Variants in ARHGEF10 observed in about 807,000 individuals in gnomAD.
The protein encoded by ARHGEF10 is Rho guanine nucleotide exchange factor (GEF) 10.
Under a neutral mutation model 147.4 loss-of-function variants are expected in ARHGEF10, and 140 were observed. The observed-to-expected ratio is 0.95, with a 90% CI of 0.83 to 1.09. The LOEUF is 1.09. Ranked by LOEUF, ARHGEF10 falls within the 50% of genes least tolerant of loss-of-function variation. The probability of loss-of-function intolerance (pLI) is 0.00; values close to 1 mark genes in which losing one functional copy is unlikely to be tolerated. For missense variants in ARHGEF10, 2,222 were observed against 1,752.7 expected, an observed-to-expected ratio of 1.27 and a Z score of -4.78; for synonymous variants, 902 against 695.8, an observed-to-expected ratio of 1.30 and a Z score of -4.67.
intron 18 of ARHGEF10, among the ~76,000 whole-genome samples, chr8:1,915,678 G>A (rs1218648186): frequency 1.3e-5 from 2 of 152,228 alleles, no homozygotes; most frequent in African/African-American, 4.8e-5. Context: ...GTTACCTCAG[G>A]GACAAACACT....
intron 27 of ARHGEF10, 185 bp downstream of exon 27, chr8:1,945,840 T>A: frequency 1.1e-6 from 1 of 912,750 alleles, no homozygotes; most frequent in Non-Finnish European, 1.7e-6. Context: ...GTCAGCCCAC[T>A]TTAGCGCTTC....
chr8:1,905,595 C>G lies in ARHGEF10; in HGVS notation c.1846C>G (p.Leu616Val), dbSNP rs757799639. 1.4e-5 allele frequency: 23 copies of G among 1,614,050 alleles called. No homozygotes were observed. The highest frequency in any genetic ancestry group is 2.7e-5 in the African/African-American group (2 of 74,920). The change falls in exon 17 of 29, where the codon CTC becomes GTC. Residue 616 changes from leucine to valine, a missense_variant. Leu to Val is a conservative substitution (Grantham distance 32). Transcript: ENST00000349830. ...NKLLSSGSRYLIRSDDMIETV... is the reference protein window; with the variant it reads ...NKLLSSGSRYVIRSDDMIETV... ...GCTTCTCAGCAGTGGAAGCCGATACCTCATTCGATCAGATGATATGATAGA... is the reference window on the plus strand; with the variant it reads ...GCTTCTCAGCAGTGGAAGCCGATACGTCATTCGATCAGATGATATGATAGA...
In ARHGEF10 at chr8:1,957,023, G is replaced by C; in HGVS notation, c.3795G>C (p.Leu1265Phe). ...DLSSSSGSLSLSHGSSSLEHR... is the reference protein window; with the variant it reads ...DLSSSSGSLSFSHGSSSLEHR... ...CCTCCTCATCTGGGTCCCTGAGCTT[G>C]TCTCACGGCTCCAGCTCTCTAGAGC... Residue 1265 changes from leucine to phenylalanine, a missense_variant, in exon 29 of 29, where the codon TTG becomes TTC. Transcript: ENST00000349830. 1 of 1,614,020 alleles carries C rather than the reference G, an allele frequency of 6.2e-7. No homozygotes were observed. Among genetic ancestry groups the C allele is most frequent in the Non-Finnish European group, 8.5e-7 (1 of 1,180,040 alleles).
chr8:1,843,444 C>A lies in ARHGEF10; in HGVS notation c.37+8C>A, dbSNP rs1563164198. 1.8e-5 allele frequency: 29 copies of A among 1,610,372 alleles called. No homozygotes were observed. The highest frequency in any genetic ancestry group is 2.3e-5 in the Non-Finnish European group (27 of 1,177,682). ...TGCCTCCCGCTCCTGCAGGTAACAG[C>A]ACTCAGTAGGTGGGCCTGTGGGTCA... On this transcript the variant is annotated splice_region_variant and intron_variant, in intron 2 of 28. Coordinates refer to ENST00000349830, the MANE Select transcript of ARHGEF10 (RefSeq NM_014629.4).
In ARHGEF10 at chr8:1,893,572, G is replaced by T. The variant is rs779701756; in HGVS notation, c.1186G>T (p.Val396Leu). 4 of 1,612,380 alleles carry T rather than the reference G, an allele frequency of 2.5e-6. No homozygotes were observed. The highest frequency in any genetic ancestry group is 3.4e-6 in the Non-Finnish European group (4 of 1,178,530). Residue 396 changes from valine to leucine, a missense_variant, in exon 12 of 29, where the codon GTA (valine) becomes TTA (leucine). Coordinates refer to ENST00000349830, the MANE Select transcript of ARHGEF10 (RefSeq NM_014629.4). ...TGTACTTCCAAATTTCCAACAGGTT[G>T]TAAGAAGATATATACTGGGTTCAGT... Reference protein sequence around the residue: ...MPEGLSQQQVVRRYILGSVVD... With the variant: ...MPEGLSQQQVLRRYILGSVVD...
At position 1,923,075 on chromosome 8, in the gene ARHGEF10, A is replaced by C; in HGVS notation, c.2255A>C (p.Tyr752Ser). Residue 752 changes from tyrosine (Y) to serine (S), a missense_variant, in exon 19 of 29, where the codon TAT becomes TCT. Coordinates refer to ENST00000349830, the MANE Select transcript of ARHGEF10 (RefSeq NM_014629.4). ...TQLIGNLKGN[Y>S]QNLNQSVAHD... ...CTGATAGGAAACCTTAAAGGAAACT[A>C]TCAGGTAACAATTGAAGCAATTGGA... is the stretch of plus-strand genomic sequence containing the variant. 6.3e-7 allele frequency: 1 copy of C among 1,597,266 alleles called. No individual in the cohort carries two copies.
chr8:1,922,234 C>G (rs970143028), intron 18 of ARHGEF10, among the ~76,000 whole-genome samples: 1 of 151,306 alleles, frequency 6.6e-6, no homozygotes, highest in African/African-American at 2.4e-5. Flanking sequence ...TTCCTCTAAC[C>G]CAAGTCATCG....
In ARHGEF10 at chr8:1,859,962, A is replaced by T. The variant is rs777215356; in HGVS notation, c.259A>T (p.Met87Leu). The change falls in exon 4 of 29, where the codon ATG (methionine) becomes TTG (leucine). Residue 87 changes from methionine to leucine, a missense_variant. Physicochemically the swap from Met to Leu is conservative, Grantham distance 15. Coordinates refer to ENST00000349830, the MANE Select transcript of ARHGEF10 (RefSeq NM_014629.4). ...VAEPTKLVLP[M>L]KVNPYSVIDI... ...AGAGCCTACTAAGCTGGTGCTCCCGATGAAAGTCAACCCATATTCTGTCAT... is the reference window on the plus strand; with the variant it reads ...AGAGCCTACTAAGCTGGTGCTCCCGTTGAAAGTCAACCCATATTCTGTCAT... 5 of 1,614,134 alleles carry T rather than the reference A, an allele frequency of 3.1e-6. No individual in the cohort carries two copies. Among genetic ancestry groups the T allele is most frequent in the South Asian group, 1.1e-5 (1 of 91,080 alleles).
At chr8:1,829,246 C>T (rs62477465) in intron 1 of ARHGEF10, among the ~76,000 whole-genome samples, 498 of 152,334 alleles carry the variant, frequency 3.3e-3, no homozygotes, top group Non-Finnish European at 6.0e-3. Flanking sequence ...TCAGAAGCTC[C>T]GTATGTTTTG....
chr8:1,857,855 G>A (rs984491821), intron 2 of ARHGEF10, 105 bp from the exon 3 acceptor site: 3 of 1,108,748 alleles, frequency 2.7e-6, no homozygotes, highest in African/African-American at 1.6e-5. Flanking sequence ...CTTAGTCAGT[G>A]TCTCTGGCTA....
intron 1 of ARHGEF10, among the ~76,000 whole-genome samples, chr8:1,834,857 CAG>C (rs1489585453): frequency 6.6e-6 from 1 of 152,224 alleles, no homozygotes; most frequent in Non-Finnish European, 1.5e-5. Flanking sequence ...CGTGGTGCAT[CAG>C]GGGTGGGATG....
intron 2 of ARHGEF10, among the ~76,000 whole-genome samples, chr8:1,844,873 C>G (rs912394266): frequency 6.6e-6 from 1 of 151,996 alleles, no homozygotes; most frequent in Non-Finnish European, 1.5e-5. Context: ...TTGAGACCAG[C>G]CTGGGCAACG....
chr8:1,925,424 G>A lies in ARHGEF10; in HGVS notation c.2610+20G>A, dbSNP rs370628866. ...TTCAAGGTGAAGGGAGGCAGGGCCCGCGGCCCGGGGTGGGACGCACCTCGC... is the reference window on the plus strand; with the variant it reads ...TTCAAGGTGAAGGGAGGCAGGGCCCACGGCCCGGGGTGGGACGCACCTCGC... On this transcript the variant is annotated intron_variant, in intron 22 of 28. Coordinates refer to ENST00000349830, the MANE Select transcript of ARHGEF10 (RefSeq NM_014629.4). 31 of 1,613,200 alleles carry A rather than the reference G, an allele frequency of 1.9e-5. No individual in the cohort carries two copies. The African/African-American group carries it at 3.1e-4, about 16-fold the overall frequency.
intron 7 of ARHGEF10, 187 bp from the exon 8 acceptor site, chr8:1,876,384 C>T: frequency 3.2e-6 from 2 of 632,928 alleles, no homozygotes; most frequent in Non-Finnish European, 2.8e-6. Flanking sequence ...CCCGGCCCTG[C>T]CCGGGTGGTG....
chr8:1,861,658 C>G (rs1022265177), intron 4 of ARHGEF10, among the ~76,000 whole-genome samples: 10 of 152,118 alleles, frequency 6.6e-5, no homozygotes, highest in African/African-American at 2.2e-4. Context: ...AAAGAAAAAT[C>G]TCAATTTTGG....
At chr8:1,864,235 G>C in intron 4 of ARHGEF10, 138 bp from the exon 5 acceptor site, 2 of 846,678 alleles carry the variant, frequency 2.4e-6, no homozygotes, top group Non-Finnish European at 3.9e-6. Context: ...AAATTTTTAA[G>C]TTTATTAATC....
intron 10 of ARHGEF10, among the ~76,000 whole-genome samples, chr8:1,884,856 C>T (rs868845546): frequency 6.6e-6 from 1 of 152,204 alleles, no homozygotes; most frequent in Non-Finnish European, 1.5e-5. Flanking sequence ...CCTCCACCTC[C>T]TGGGTTCAGG....
intron 1 of ARHGEF10, among the ~76,000 whole-genome samples, chr8:1,831,591 C>T (rs62477470): frequency 0.12 from 15,770 of 136,836 alleles, 1,953 homozygotes; most frequent in East Asian, 0.21. Flanking sequence ...GTGTGACGGC[C>T]GTGGAGGGAC....
chr8:1,945,408 G>A (rs1006631546), intron 26 of ARHGEF10, 73 bp from the exon 27 acceptor site: 32 of 1,531,878 alleles, frequency 2.1e-5, no homozygotes, highest in Non-Finnish European at 2.5e-5. Context: ...CCAGCTGGAC[G>A]CCACGTGGAC....
Sources: gnomAD v4.1 joint callset for allele counts (sites outside exome capture counted in the v4.1 genomes callset) on GRCh38, gnomAD v4.1.1 for gene constraint, MANE v1.5 for transcripts, NCBI Gene and HGNC (gene_info 2026-07-23, HGNC 2026-07-21) for gene names.